DYNC1I1: variants seen among roughly 807,000 people sequenced by gnomAD.
DYNC1I1 encodes the protein cytoplasmic dynein 1 intermediate chain 1.
A neutral mutation model predicts 86.6 loss-of-function variants in DYNC1I1; 43 were observed. The ratio of observed to expected loss-of-function variants is 0.50; its 90% CI spans 0.39 to 0.64. The LOEUF is 0.64. Among genes scored for constraint, DYNC1I1 ranks in the 30% least tolerant of loss-of-function variants. The pLI is 0.00. For synonymous variants in DYNC1I1, 262 were observed against 283.7 expected, an observed-to-expected ratio of 0.92 and a Z score of 0.77; for missense variants, 604 against 788.8, an observed-to-expected ratio of 0.77 and a Z score of 2.81.
intron 5 of DYNC1I1, 38 bp from the exon 6 acceptor site, chr7:95,869,845 C>G: frequency 2.5e-4 from 388 of 1,522,220 alleles, no homozygotes; most frequent in Non-Finnish European, 3.2e-4. Flanking sequence ...GCAAGGAATG[C>G]CTCCCCTCTC....
chr7:95,852,801 C>T lies in DYNC1I1; in HGVS notation c.375-17082C>T, dbSNP rs556189465. Among the ~76,000 whole-genome samples, 8 of 152,242 alleles carry T rather than the reference C, an allele frequency of 5.3e-5. No homozygotes were observed. The South Asian group carries it at 6.2e-4, about 12-fold the overall frequency. On this transcript the variant is annotated intron_variant, in intron 5 of 16. Coordinates refer to ENST00000447467, the MANE Select transcript of DYNC1I1 (RefSeq NM_001135556.2). ...GATTACAGGCGTGAGCCACCGCACC[C>T]GGTGTCTTCTCTAATTTTTATTTCC...
chr7:95,773,574 A>G (rs1448674032), intron 1 of DYNC1I1, among the ~76,000 whole-genome samples: 3 of 152,096 alleles, frequency 2.0e-5, no homozygotes, highest in African/African-American at 7.2e-5. Context: ...TACATAGGAG[A>G]TCAGAGACTC....
At chr7:96,100,470 G>T (rs1360208007), downstream of DYNC1I1, among the ~76,000 whole-genome samples, 1 of 151,850 alleles carries the variant, frequency 6.6e-6, no homozygotes, top group East Asian at 1.9e-4. Flanking sequence ...TCCTGCCTAA[G>T]CTGGCTAGGG....
intron 9 of DYNC1I1, among the ~76,000 whole-genome samples, chr7:95,988,437 C>A (rs1302276764): frequency 6.6e-6 from 1 of 152,178 alleles, no homozygotes; most frequent in Admixed American, 6.5e-5. Context: ...GAAGTCTAAG[C>A]CCATCAGTGT....
At chr7:95,971,876 T>C (rs1793179761) in intron 6 of DYNC1I1, among the ~76,000 whole-genome samples, 1 of 152,144 alleles carries the variant, frequency 6.6e-6, no homozygotes, top group Admixed American at 6.5e-5. Flanking sequence ...GAAATGGTCC[T>C]GTCCACTCCC....
intron 14 of DYNC1I1, among the ~76,000 whole-genome samples, chr7:96,072,980 G>A (rs1360984232): frequency 6.6e-6 from 1 of 152,092 alleles, no homozygotes; most frequent in Non-Finnish European, 1.5e-5. Flanking sequence ...AATATTCAAA[G>A]AGCACTATTG....
chr7:95,983,185 G>A (rs542574531), intron 7 of DYNC1I1, among the ~76,000 whole-genome samples: 8 of 152,218 alleles, frequency 5.3e-5, no homozygotes, highest in Non-Finnish European at 8.8e-5. Context: ...GTCTGATTCA[G>A]CATTTCACAA....
chr7:95,811,968 A>C (rs574979115), intron 3 of DYNC1I1, among the ~76,000 whole-genome samples: 23 of 152,296 alleles, frequency 1.5e-4, no homozygotes, highest in African/African-American at 5.3e-4. Flanking sequence ...AAAACAGATT[A>C]ACATCTCTAA....
At chr7:96,056,753 A>G (rs1473279832) in intron 14 of DYNC1I1, among the ~76,000 whole-genome samples, 1 of 152,012 alleles carries the variant, frequency 6.6e-6, no homozygotes. Context: ...CTATATATAT[A>G]GTGTGTATAT....
intron 6 of DYNC1I1, among the ~76,000 whole-genome samples, chr7:95,952,462 T>A (rs1355021565): frequency 6.6e-6 from 1 of 152,158 alleles, no homozygotes; most frequent in African/African-American, 2.4e-5. Flanking sequence ...GACTAAGACG[T>A]AGATTTAAGA....
intron 1 of DYNC1I1, among the ~76,000 whole-genome samples, chr7:95,803,726 C>T (rs1197072945): frequency 6.6e-6 from 1 of 152,150 alleles, no homozygotes; most frequent in Non-Finnish European, 1.5e-5. Context: ...AATGAATACT[C>T]ATGACATTTA....
intron 2 of DYNC1I1, among the ~76,000 whole-genome samples, chr7:95,807,523 C>T (rs565705032): frequency 3.8e-4 from 58 of 152,144 alleles, no homozygotes; most frequent in African/African-American, 1.3e-3. Context: ...CATTTTTTTT[C>T]TCCCTAAAAT....
At chr7:95,989,890 C>T (rs1793687901) in intron 9 of DYNC1I1, among the ~76,000 whole-genome samples, 1 of 152,114 alleles carries the variant, frequency 6.6e-6, no homozygotes, top group South Asian at 2.1e-4. Flanking sequence ...ACCAGGATTA[C>T]ATACTTATGG....
chr7:95,832,362 C>G (rs1426445526), intron 5 of DYNC1I1, among the ~76,000 whole-genome samples: 1 of 151,814 alleles, frequency 6.6e-6, no homozygotes, highest in African/African-American at 2.4e-5. Context: ...TTAATCCAGT[C>G]TAACATTGTT....
intron 6 of DYNC1I1, among the ~76,000 whole-genome samples, chr7:95,890,905 T>G (rs551169179): frequency 1.3e-5 from 2 of 152,356 alleles, no homozygotes; most frequent in Non-Finnish European, 2.9e-5. Flanking sequence ...GAAGTAAACC[T>G]ACAAGTGATT....
At chr7:95,977,072 C>T (rs1201084347) in intron 6 of DYNC1I1, among the ~76,000 whole-genome samples, 2 of 152,166 alleles carry the variant, frequency 1.3e-5, no homozygotes, top group Non-Finnish European at 2.9e-5. Flanking sequence ...TTAACCCTTT[C>T]CTGTAGGTCA....
chr7:95,983,336 G>A (rs1793501958), intron 7 of DYNC1I1, among the ~76,000 whole-genome samples: 1 of 152,190 alleles, frequency 6.6e-6, no homozygotes, highest in African/African-American at 2.4e-5. Context: ...TAGAAACTAT[G>A]AGGTGGGGTG....
intron 5 of DYNC1I1, among the ~76,000 whole-genome samples, chr7:95,853,940 A>G (rs956592799): frequency 2.0e-5 from 3 of 152,134 alleles, no homozygotes; most frequent in African/African-American, 4.8e-5. Flanking sequence ...CTTAAAGTCT[A>G]TTTTAACATG....
intron 6 of DYNC1I1, among the ~76,000 whole-genome samples, chr7:95,946,150 CA>C (rs1181870584): frequency 2.0e-5 from 3 of 151,800 alleles, no homozygotes; most frequent in South Asian, 4.2e-4. Flanking sequence ...TGGGGCCTGT[CA>C]GGGGGGCAGG....
Sources: gnomAD v4.1 joint callset for allele counts (sites outside exome capture counted in the v4.1 genomes callset) on GRCh38, gnomAD v4.1.1 for gene constraint, MANE v1.5 for transcripts, NCBI Gene and HGNC (gene_info 2026-07-23, HGNC 2026-07-21) for gene names.